TMEM63B: variants seen among roughly 807,000 people sequenced by gnomAD.
TMEM63B encodes the protein mechanosensitive cation channel TMEM63B.
A neutral mutation model predicts 102.6 loss-of-function variants in TMEM63B; 23 were observed. The ratio of observed to expected loss-of-function variants is 0.22; its 90% CI spans 0.16 to 0.32. The LOEUF is 0.32. Ranked by LOEUF, TMEM63B falls within the 10% of genes least tolerant of loss-of-function variation. TMEM63B has a pLI of 1.00. For synonymous variants in TMEM63B, 444 were observed against 437.0 expected (o/e 1.02, Z -0.20); for missense variants, 628 against 1,095.9 (o/e 0.57, Z 6.03).
At chr6:44,133,832 A>G (rs539002406) in intron 1 of TMEM63B, among the ~76,000 whole-genome samples, 2 of 152,310 alleles carry the variant, frequency 1.3e-5, no homozygotes, top group African/African-American at 2.4e-5. Context: ...GGAGCATGGC[A>G]CTCTGGGAGT....
chr6:44,154,934 C>T lies in TMEM63B; in HGVS notation c.*51C>T. On this transcript the variant is annotated 3_prime_UTR_variant, in exon 24 of 24. Transcript: ENST00000323267. ...CATCCTGCCCCACCCCACCCCCACTCCCACGGACACTAAAACGCTAATAAT... is the reference window on the plus strand; with the variant it reads ...CATCCTGCCCCACCCCACCCCCACTTCCACGGACACTAAAACGCTAATAAT... 1 of 1,433,192 alleles carries T rather than the reference C, an allele frequency of 7.0e-7. No homozygotes were observed. Among genetic ancestry groups the T allele is most frequent in the Non-Finnish European group, 9.3e-7 (1 of 1,078,472 alleles). The allele number at this position is 1,433,192 out of a possible 1,614,324, so 88.8% of individuals were successfully genotyped here. A position where few individuals can be genotyped will look rare whatever the true frequency, so the allele number is the denominator to read the frequency against.
At chr6:44,137,190 G>A (rs377223312) in intron 5 of TMEM63B, among the ~76,000 whole-genome samples, 12 of 152,340 alleles carry the variant, frequency 7.9e-5, no homozygotes, top group South Asian at 6.2e-4. Context: ...GAGTGGCAGT[G>A]GTCCCTTTTA....
In TMEM63B at chr6:44,148,453, C is replaced by CCT; in HGVS notation, c.1122-59_1122-58dup. The CCT allele has an allele frequency of 6.2e-7, 1 of 1,612,520 alleles. No homozygotes were observed. The highest frequency in any genetic ancestry group is 8.5e-7 in the Non-Finnish European group (1 of 1,178,874). Reference sequence around the variant, plus strand: ...GGCTCCCTGACCCCTGTGCTCATGGCCTTCTGCCAGCAGTGTGGCCTCCAG... The same window carrying CCT: ...GGCTCCCTGACCCCTGTGCTCATGGCCTCTTCTGCCAGCAGTGTGGCCTCCAG... On this transcript the variant is annotated intron_variant, in intron 13 of 23. Transcript: ENST00000323267. The surrounding 1 kb of genome is among the most constrained non-coding windows in gnomAD (Gnocchi z 5.1).
rs1336130433 is a variant in TMEM63B at position 44,152,739 on chromosome 6, G to A, written c.1942+41G>A. 2 of 1,524,348 alleles carry A rather than the reference G, an allele frequency of 1.3e-6. No individual in the cohort carries two copies. The highest frequency in any genetic ancestry group is 1.7e-4 in the Middle Eastern group (1 of 5,906). The allele number at this position is 1,524,348 out of a possible 1,614,324, so 94.4% of individuals were successfully genotyped here. A position where few individuals can be genotyped will look rare whatever the true frequency, so the allele number is the denominator to read the frequency against. Reference sequence around the variant, plus strand: ...CCGGGACCTGGGCCCTGCTCGGGGGGACCCAGGACTTCACCCTCTCCACTC... The same window carrying A: ...CCGGGACCTGGGCCCTGCTCGGGGGAACCCAGGACTTCACCCTCTCCACTC... On this transcript the variant is annotated intron_variant, in intron 20 of 23. Coordinates refer to ENST00000323267, the MANE Select transcript of TMEM63B (RefSeq NM_018426.3). The surrounding 1 kb of genome is among the most constrained non-coding windows in gnomAD (Gnocchi z 6.4).
chr6:44,145,405 A>C (rs1401130987), intron 10 of TMEM63B, among the ~76,000 whole-genome samples: 1 of 149,350 alleles, frequency 6.7e-6, no homozygotes, highest in African/African-American at 2.5e-5. Context: ...ACATGTTGAA[A>C]CCCTATCTCT....
At position 44,154,200 on chromosome 6, in the gene TMEM63B, G is replaced by C; in HGVS notation, c.2226+12G>C. 1.2e-6 allele frequency: 2 copies of C among 1,613,436 alleles called. No individual in the cohort carries two copies. Among genetic ancestry groups the C allele is most frequent in the Non-Finnish European group, 8.5e-7 (1 of 1,179,392 alleles). ...CCCACAACTACAAGGTGTGGGGCAA[G>C]GGTGGCAGGCGGATGGCTGCGGGCA... On this transcript the variant is annotated intron_variant, in intron 22 of 23. Transcript: ENST00000323267.
At chr6:44,138,770 T>A in intron 6 of TMEM63B, 1 of 357,854 alleles carries the variant, frequency 2.8e-6, no homozygotes, top group Admixed American at 5.0e-5. Flanking sequence ...TGCCCCACCT[T>A]GAGGGAGGGG....
rs1333526115 is a variant in TMEM63B at position 44,148,218 on chromosome 6, A to C, written c.988-34A>C. 6.2e-7 allele frequency: 1 copy of C among 1,611,168 alleles called. No individual in the cohort carries two copies. Among genetic ancestry groups the C allele is most frequent in the Admixed American group, 1.7e-5 (1 of 59,802 alleles). ...GCTGCAGGCCCCAGCCTGGCTTTCCAACTAGAGGCCCTGTCCCTAACCCTC... is the reference window on the plus strand; with the variant it reads ...GCTGCAGGCCCCAGCCTGGCTTTCCCACTAGAGGCCCTGTCCCTAACCCTC... On this transcript the variant is annotated intron_variant, in intron 12 of 23. Coordinates refer to ENST00000323267, the MANE Select transcript of TMEM63B (RefSeq NM_018426.3). The surrounding 1 kb of genome is among the most constrained non-coding windows in gnomAD (Gnocchi z 5.1).
In TMEM63B at chr6:44,153,870, G is replaced by C. The variant is rs774236633; in HGVS notation, c.2110+27G>C. 9 of 1,604,836 alleles carry C rather than the reference G, an allele frequency of 5.6e-6. No individual in the cohort carries two copies. In the Admixed American group the frequency reaches 1.0e-4, roughly 18 times the overall value. ...TGAGGGATCCCTACCCAGGGAACGGGGGGTGGCGAGCAGAGTGGATTCCAG... is the reference window on the plus strand; with the variant it reads ...TGAGGGATCCCTACCCAGGGAACGGCGGGTGGCGAGCAGAGTGGATTCCAG... On this transcript the variant is annotated intron_variant, in intron 21 of 23. Transcript: ENST00000323267.
chr6:44,138,443 G>C (rs1203004929), intron 5 of TMEM63B, 37 bp from the exon 6 acceptor site: 2 of 1,613,794 alleles, frequency 1.2e-6, no homozygotes, highest in Non-Finnish European at 1.7e-6. Flanking sequence ...GGGTTGGTGG[G>C]CTGGGGACTC....
Position 44,152,583 on chromosome 6 carries a change from TC to T in TMEM63B, c.1837-3del, listed in dbSNP as rs766766953. On this transcript the variant is annotated splice_polypyrimidine_tract_variant and intron_variant, in intron 19 of 23. Coordinates refer to ENST00000323267, the MANE Select transcript of TMEM63B (RefSeq NM_018426.3). This position sits in a 1 kb window ranked among gnomAD's most constrained non-coding sequence, Gnocchi z 6.4. ...TCCCTGAGCCATCCTCCTGCCCGTC[TC>T]CCCCCCAGCATCAGGCCTACGAGTT... 13 of 1,599,518 alleles carry T rather than the reference TC, an allele frequency of 8.1e-6. No individual in the cohort carries two copies. Among genetic ancestry groups the T allele is most frequent in the Non-Finnish European group, 1.7e-6 (2 of 1,175,988 alleles).
chr6:44,126,850 C>G (rs1367808423), upstream of TMEM63B: 1 of 152,268 alleles, frequency 6.6e-6, no homozygotes, highest in Non-Finnish European at 1.5e-5. Flanking sequence ...CAGGGAACCC[C>G]CTGGCCTGGG....
intron 4 of TMEM63B, 69 bp from the exon 5 acceptor site, chr6:44,136,280 C>T (rs1178846892): frequency 2.3e-6 from 3 of 1,302,842 alleles, no homozygotes; most frequent in Admixed American, 1.7e-5. Flanking sequence ...AGCTCTGGAG[C>T]ACTCAGCCCA....
At chr6:44,145,416 A>G (rs1765159286) in intron 10 of TMEM63B, among the ~76,000 whole-genome samples, 1 of 148,610 alleles carries the variant, frequency 6.7e-6, no homozygotes, top group Admixed American at 6.7e-5. Flanking sequence ...CCCTATCTCT[A>G]CTAAAAATAC....
At position 44,154,990 on chromosome 6, in the gene TMEM63B, C is replaced by T. The variant is rs1767740358; in HGVS notation, c.*107C>T. ...AGATCTAAAGCCCCTTCCTCCCCAGCCCCTGCTTTCATTAAGGTATTTAAA... is the reference window on the plus strand; with the variant it reads ...AGATCTAAAGCCCCTTCCTCCCCAGTCCCTGCTTTCATTAAGGTATTTAAA... On this transcript the variant is annotated 3_prime_UTR_variant, in exon 24 of 24. Transcript: ENST00000323267. 9.2e-7 allele frequency: 1 copy of T among 1,091,172 alleles called. No homozygotes were observed. Among genetic ancestry groups the T allele is most frequent in the Admixed American group, 3.4e-5 (1 of 29,136 alleles). The allele number at this position is 1,091,172 out of a possible 1,614,324, so 67.6% of individuals were successfully genotyped here. A position where few individuals can be genotyped will look rare whatever the true frequency, so the allele number is the denominator to read the frequency against.
chr6:44,148,252 G>A lies in TMEM63B; in HGVS notation c.988G>A (p.Val330Met), dbSNP rs1182514792. The A allele has an allele frequency of 5.0e-6, 8 of 1,614,106 alleles. No individual in the cohort carries two copies. The highest frequency in any genetic ancestry group is 5.1e-6 in the Non-Finnish European group (6 of 1,180,038). Residue 330 changes from valine (V) to methionine (M), a missense_variant and splice_region_variant, in exon 13 of 24, where the codon GTG becomes ATG. Transcript: ENST00000323267. The surrounding 1 kb of genome is among the most constrained non-coding windows in gnomAD (Gnocchi z 5.1). ...CCCVVRGCEQVEAIEYYTKLE... is the reference protein window; with the variant it reads ...CCCVVRGCEQMEAIEYYTKLE... ...CCCTGTCCCTAACCCTCCCACAAAG[G>A]TGGAGGCCATTGAGTACTACACAAA...
chr6:44,141,614 A>C (rs1314074848), intron 10 of TMEM63B, among the ~76,000 whole-genome samples: 1 of 152,282 alleles, frequency 6.6e-6, no homozygotes, highest in African/African-American at 2.4e-5. Context: ...AATGAGGCAA[A>C]GAGGGAACTT....
intron 15 of TMEM63B, among the ~76,000 whole-genome samples, chr6:44,149,537 A>G (rs1455940463): frequency 6.6e-6 from 1 of 152,210 alleles, no homozygotes; most frequent in Non-Finnish European, 1.5e-5. Context: ...AAGCTATTGA[A>G]TCTTTTTTTT....
upstream of TMEM63B, chr6:44,127,517 GC>G (rs1382689704): frequency 7.4e-6 from 1 of 135,130 alleles, no homozygotes; most frequent in African/African-American, 2.8e-5. Context: ...GCGGGGCTCC[GC>G]CCCCTCCCCC....
Sources: gnomAD v4.1 joint callset for allele counts (sites outside exome capture counted in the v4.1 genomes callset) on GRCh38, gnomAD v4.1.1 for gene constraint, Gnocchi (gnomAD v3.1) non-coding constraint, MANE v1.5 for transcripts, NCBI Gene and HGNC (gene_info 2026-07-23, HGNC 2026-07-21) for gene names.